Variants in TLE5 observed in about 807,000 individuals in gnomAD.
TLE5 encodes TLE family member 5.
Under a neutral mutation model 25.8 loss-of-function variants are expected in TLE5, and 7 were observed. The observed-to-expected ratio is 0.27, with a 90% CI of 0.15 to 0.51. The LOEUF (loss-of-function observed/expected upper bound fraction) is 0.51. Among genes scored for constraint, TLE5 ranks in the 20% least tolerant of loss-of-function variants. TLE5 has a pLI of 0.97. For synonymous variants in TLE5, 132 were observed against 110.5 expected (o/e 1.20, Z -1.22); for missense variants, 149 against 250.7 (o/e 0.59, Z 2.74).
At chr19:3,060,293 A>AT (rs1229811755) in intron 2 of TLE5, among the ~76,000 whole-genome samples, 1 of 149,916 alleles carries the variant, frequency 6.7e-6, no homozygotes, top group Admixed American at 6.7e-5. Flanking sequence ...AAATAACATC[A>AT]TAACATCTCT....
intron 2 of TLE5, among the ~76,000 whole-genome samples, chr19:3,059,319 T>G (rs1303438117): frequency 6.6e-6 from 1 of 151,842 alleles, no homozygotes; most frequent in African/African-American, 2.4e-5. Context: ...GTCAGGAGTT[T>G]GAGACCAGCC....
At chr19:3,059,392 C>G (rs1431978222) in intron 2 of TLE5, among the ~76,000 whole-genome samples, 2 of 152,064 alleles carry the variant, frequency 1.3e-5, no homozygotes, top group South Asian at 2.1e-4. Context: ...TGTGGTGGTG[C>G]ACGCCTGTAA....
At chr19:3,061,869 T>C (rs1599275715) in intron 1 of TLE5, among the ~76,000 whole-genome samples, 1 of 113,674 alleles carries the variant, frequency 8.8e-6, no homozygotes, top group Non-Finnish European at 1.8e-5. Context: ...TCCGAGGCCC[T>C]GACTGTCCCG....
chr19:3,061,428 T>A, intron 1 of TLE5, 171 bp from the exon 2 acceptor site: 1 of 440,706 alleles, frequency 2.3e-6, no homozygotes. Flanking sequence ...GCCCCCCGCC[T>A]CTCCCGGGGG....
intron 6 of TLE5, 34 bp downstream of exon 6, chr19:3,054,086 T>TCGGGGGGGGGGGGGGCCCC: frequency 4.6e-6 from 7 of 1,512,784 alleles, no homozygotes; most frequent in Non-Finnish European, 6.2e-6. Context: ...GGCCCACCTG[T>TCGGGGGGGGGGGGGGCCCC]CCCCCGCCCA....
Position 3,057,756 on chromosome 19 carries a change from G to A in TLE5, c.126-14C>T, listed in dbSNP as rs760111523. 2 of 1,612,630 alleles carry A rather than the reference G, an allele frequency of 1.2e-6. No individual in the cohort carries two copies. The highest frequency in any genetic ancestry group is 1.3e-5 in the African/African-American group (1 of 74,920). ...TCGAGCTTGAGGCTGAGGAGGCACA[G>A]GGGGGAGATGGGGTGGTTAGTGGCG... is the stretch of plus-strand genomic sequence containing the variant. On this transcript the variant is annotated splice_polypyrimidine_tract_variant and intron_variant, in intron 2 of 6. Transcript: ENST00000327141.
At chr19:3,062,553 T>G, upstream of TLE5, 1 of 756,260 alleles carries the variant, frequency 1.3e-6, no homozygotes, top group Non-Finnish European at 1.6e-6. Context: ...CCGTGCCCCG[T>G]GCGCGCCGCC....
chr19:3,060,307 CT>C (rs1227519680), intron 2 of TLE5, among the ~76,000 whole-genome samples: 1 of 146,738 alleles, frequency 6.8e-6, no homozygotes, highest in Non-Finnish European at 1.5e-5. Context: ...CATCTCTGGG[CT>C]TAAGTTTCTT....
At chr19:3,062,624 G>C (rs2090282203), upstream of TLE5, 5 of 1,153,916 alleles carry the variant, frequency 4.3e-6, no homozygotes, top group South Asian at 2.1e-4. Context: ...CCGCCTCCCC[G>C]TGGCCCGCCC....
At chr19:3,055,835 A>G in intron 4 of TLE5, 109 bp from the exon 5 acceptor site, 1 of 1,244,396 alleles carries the variant, frequency 8.0e-7, no homozygotes, top group Non-Finnish European at 1.1e-6. Context: ...TGCGGCTTCT[A>G]AGAGGGGCTA....
chr19:3,055,108 T>C (rs1178933325), intron 5 of TLE5: 1 of 152,406 alleles, frequency 6.6e-6, no homozygotes, highest in African/African-American at 2.4e-5. Context: ...GGATCACGTG[T>C]GCCCACGTGT....
rs558778704 is a variant in TLE5, at chr19:3,053,533, C to A, written c.*286G>T. The A allele has an allele frequency of 8.1e-5, 42 of 517,866 alleles. 1 individual carries two copies. In the South Asian group the frequency reaches 9.3e-4, roughly 11 times the overall value. 32.1% of individuals were successfully genotyped at this position (517,866 alleles called of 1,614,324 possible). ...TTCGCGAGGTCTTGCTCCCTTGGGACCTGGTCTCCCATCTGACCCTCCAGG... is the reference window on the plus strand; with the variant it reads ...TTCGCGAGGTCTTGCTCCCTTGGGAACTGGTCTCCCATCTGACCCTCCAGG... On this transcript the variant is annotated 3_prime_UTR_variant, in exon 7 of 7. Coordinates refer to ENST00000327141, the MANE Select transcript of TLE5 (RefSeq NM_001130.6).
chr19:3,061,402 C>G, intron 1 of TLE5, 145 bp from the exon 2 acceptor site: 2 of 514,474 alleles, frequency 3.9e-6, no homozygotes, highest in Non-Finnish European at 6.7e-6. Context: ...CTGGCGCGAC[C>G]CCACCCGCGC....
intron 2 of TLE5, among the ~76,000 whole-genome samples, chr19:3,059,822 C>T (rs982209687): frequency 6.6e-6 from 1 of 152,186 alleles, no homozygotes; most frequent in Admixed American, 6.6e-5. Flanking sequence ...TCCAACCCTT[C>T]ATATCGAGGA....
intron 2 of TLE5, among the ~76,000 whole-genome samples, chr19:3,058,120 G>A (rs2145261336): frequency 6.6e-6 from 1 of 152,216 alleles, no homozygotes; most frequent in Admixed American, 6.5e-5. Flanking sequence ...GCGGGGAGGG[G>A]AGAGCATCAG....
At position 3,056,338 on chromosome 19, in the gene TLE5, C is replaced by T. The variant is rs1350911059; in HGVS notation, c.208G>A (p.Gly70Ser). Residue 70 changes from glycine to serine, a missense_variant, in exon 4 of 7, where the codon GGC becomes AGC. Gly to Ser is a moderately conservative substitution (Grantham distance 56, BLOSUM62 0). Transcript: ENST00000327141. ...HYVMYYEMSY[G>S]LNIEMHKQAE... is the part of the protein sequence containing the mutation. ...TGTTTGTGCATCTCGATGTTCAAGC[C>T]GTAGGACATCTCGTAGTACTGTATG... The T allele has an allele frequency of 6.6e-6, 10 of 1,519,534 alleles. No homozygotes were observed. The highest frequency in any genetic ancestry group is 2.1e-5 in the Admixed American group (1 of 47,082). 94.1% of individuals were successfully genotyped at this position (1,519,534 alleles called of 1,614,324 possible). A position where few individuals can be genotyped will look rare whatever the true frequency, so the allele number is the denominator to read the frequency against.
chr19:3,053,716 G>A lies in TLE5; in HGVS notation c.*103C>T. 1 of 1,335,264 alleles carries A rather than the reference G, an allele frequency of 7.5e-7. No individual in the cohort carries two copies. Among genetic ancestry groups the A allele is most frequent in the Non-Finnish European group, 1.0e-6 (1 of 982,694 alleles). 82.7% of individuals were successfully genotyped at this position (1,335,264 alleles called of 1,614,324 possible). A position where few individuals can be genotyped will look rare whatever the true frequency, so the allele number is the denominator to read the frequency against. On this transcript the variant is annotated 3_prime_UTR_variant, in exon 7 of 7. Coordinates refer to ENST00000327141, the MANE Select transcript of TLE5 (RefSeq NM_001130.6). ...CCACCATAAATACTATGGGAGTTTA[G>A]CCAATCCCGAGCTCCGCTGTGTCTT...
intron 2 of TLE5, 187 bp downstream of exon 2, chr19:3,060,973 C>T: frequency 2.2e-6 from 1 of 447,576 alleles, no homozygotes; most frequent in Admixed American, 3.4e-5. Context: ...TATTTTTGTG[C>T]CTCGGTTTTC....
chr19:3,062,829 T>C (rs755795837), upstream of TLE5: 14 of 1,548,842 alleles, frequency 9.0e-6, no homozygotes, highest in South Asian at 1.7e-4. Context: ...TGACCTTGGC[T>C]CTGGCTGGGC....
Sources: gnomAD v4.1 joint callset for allele counts (sites outside exome capture counted in the v4.1 genomes callset) on GRCh38, gnomAD v4.1.1 for gene constraint, MANE v1.5 for transcripts, NCBI Gene and HGNC (gene_info 2026-07-23, HGNC 2026-07-21) for gene names.